RASEF: variants seen among roughly 807,000 people sequenced by gnomAD.
RASEF encodes the protein RAS and EF-hand domain containing.
Under a neutral mutation model 90.1 loss-of-function variants are expected in RASEF, and 68 were observed. The ratio of observed to expected loss-of-function variants is 0.75; its 90% confidence interval spans 0.62 to 0.92. RASEF has a LOEUF of 0.92. Among genes scored for constraint, RASEF ranks in the 40% least tolerant of loss-of-function variants. The probability of loss-of-function intolerance (pLI) is 0.00; values close to 1 mark genes in which losing one functional copy is unlikely to be tolerated. For missense variants in RASEF, 949 were observed against 937.2 expected (o/e 1.01, Z -0.16); for synonymous variants, 331 against 345.2 (o/e 0.96, Z 0.46).
intron 10 of RASEF, 47 bp downstream of exon 10, chr9:83,000,849 T>C (rs1564072590): frequency 1.4e-6 from 2 of 1,475,910 alleles, no homozygotes; most frequent in Non-Finnish European, 9.5e-7. Context: ...GGTGACAGAT[T>C]TCAATCACGT....
the RASEF span, among the ~76,000 whole-genome samples, chr9:83,129,481 A>G: frequency 6.6e-6 from 1 of 152,202 alleles, no homozygotes; most frequent in African/African-American, 2.4e-5. Flanking sequence ...ATTAAAATTA[A>G]CCAATTACTG....
chr9:83,188,066 G>T, the RASEF span, among the ~76,000 whole-genome samples: 653 of 152,114 alleles, frequency 4.3e-3, 6 homozygotes, highest in African/African-American at 0.015. Flanking sequence ...CTCAATAAAT[G>T]CCCCTAATGG....
At position 82,981,666 on chromosome 9, in the gene RASEF, G is replaced by C. The variant is rs1040604384; in HGVS notation, c.*1011C>G. On this transcript the variant is annotated 3_prime_UTR_variant, in exon 17 of 17. Transcript: ENST00000376447. ...AAAGTATACAATTCAGTGGTTCCTA[G>C]TACATTCAAACAGTTATACAACTAT... The C allele has an allele frequency of 1.3e-5, 2 of 151,824 alleles. No homozygotes were observed. The highest frequency in any genetic ancestry group is 2.9e-5 in the Non-Finnish European group (2 of 67,996). 9.4% of individuals were successfully genotyped at this position (151,824 alleles called of 1,614,324 possible).
chr9:83,207,987 C>T, the RASEF span, among the ~76,000 whole-genome samples: 1 of 152,176 alleles, frequency 6.6e-6, no homozygotes. Context: ...TCCTTCTGTT[C>T]TTGTAGTGGC....
Position 82,997,088 on chromosome 9 carries a change from T to C in RASEF, c.1844A>G (p.Asp615Gly), listed in dbSNP as rs758046634. 2 of 1,613,402 alleles carry C rather than the reference T, an allele frequency of 1.2e-6. No homozygotes were observed. Among genetic ancestry groups the C allele is most frequent in the East Asian group, 2.2e-5 (1 of 44,876 alleles). ...AACATCATACAGCAGCAAAACACCA[T>C]CTGCCTTTCTGAAGTAAGACTTGGC... ...SIAKSYFRKA[D>G]GVLLLYDVTC... The change falls in exon 14 of 17, where the codon GAT becomes GGT. Residue 615 changes from aspartate (D) to glycine (G), a missense_variant. Physicochemically the swap from Asp to Gly is moderately conservative, Grantham distance 94. Transcript: ENST00000376447.
At chr9:82,990,369 C>T (rs1564068994) in intron 16 of RASEF, 22 bp downstream of exon 16, 2 of 1,566,354 alleles carry the variant, frequency 1.3e-6, no homozygotes, top group Admixed American at 1.7e-5. Context: ...TTCAATCCTA[C>T]ATCCATTTTC....
intron 16 of RASEF, among the ~76,000 whole-genome samples, chr9:82,987,196 A>G (rs1292903638): frequency 6.6e-6 from 1 of 152,212 alleles, no homozygotes; most frequent in Non-Finnish European, 1.5e-5. Flanking sequence ...TTAAGGGTTG[A>G]GTACTTTGAA....
chr9:83,110,798 A>C, the RASEF span, among the ~76,000 whole-genome samples: 1 of 152,202 alleles, frequency 6.6e-6, no homozygotes, highest in Admixed American at 6.5e-5. Context: ...AAAAGCCCCA[A>C]GAATTTCTTT....
chr9:83,147,541 G>T, the RASEF span, among the ~76,000 whole-genome samples: 1 of 152,108 alleles, frequency 6.6e-6, no homozygotes, highest in African/African-American at 2.4e-5. Flanking sequence ...CAGATGGGAT[G>T]GTATACAAGC....
chr9:83,217,187 C>A, the RASEF span, among the ~76,000 whole-genome samples: 18 of 152,056 alleles, frequency 1.2e-4, no homozygotes, highest in East Asian at 9.9e-4. Context: ...GGTATTTATC[C>A]GATGCTTTTA....
At chr9:83,120,387 G>A in the RASEF span, among the ~76,000 whole-genome samples, 1 of 152,134 alleles carries the variant, frequency 6.6e-6, no homozygotes, top group Non-Finnish European at 1.5e-5. Flanking sequence ...GTGATCTAGT[G>A]CCTGCCTCAC....
chr9:83,108,595 T>A, the RASEF span, among the ~76,000 whole-genome samples: 1 of 152,286 alleles, frequency 6.6e-6, no homozygotes, highest in Middle Eastern at 3.4e-3. Context: ...CACAGCTTCT[T>A]AAGTAAAAAA....
intron 1 of RASEF, among the ~76,000 whole-genome samples, chr9:83,042,101 T>C (rs1211304824): frequency 1.3e-5 from 2 of 152,218 alleles, no homozygotes; most frequent in Non-Finnish European, 2.9e-5. Flanking sequence ...ATTCCCTTGG[T>C]TTCCAGTTCT....
chr9:83,055,988 G>A (rs1830095791), intron 1 of RASEF, among the ~76,000 whole-genome samples: 1 of 152,142 alleles, frequency 6.6e-6, no homozygotes, highest in Non-Finnish European at 1.5e-5. Context: ...GAGAAACAAG[G>A]TCAGGGTCAG....
intron 16 of RASEF, among the ~76,000 whole-genome samples, chr9:82,987,162 C>CGG (rs1828723987): frequency 1.3e-5 from 2 of 152,224 alleles, no homozygotes; most frequent in South Asian, 4.1e-4. Flanking sequence ...GTAATTTTAC[C>CGG]TGTGGAGACT....
intron 9 of RASEF, among the ~76,000 whole-genome samples, chr9:83,003,691 C>G (rs946846252): frequency 6.6e-6 from 1 of 152,144 alleles, no homozygotes; most frequent in African/African-American, 2.4e-5. Context: ...TCCTAAATGG[C>G]AACCTGACCA....
At chr9:83,082,663 G>A in the RASEF span, among the ~76,000 whole-genome samples, 2 of 152,150 alleles carry the variant, frequency 1.3e-5, no homozygotes, top group African/African-American at 2.4e-5. Context: ...CTGTAACAGG[G>A]TTTAAACACA....
At chr9:83,165,685 T>C in the RASEF span, among the ~76,000 whole-genome samples, 9 of 151,900 alleles carry the variant, frequency 5.9e-5, no homozygotes, top group East Asian at 1.7e-3. Context: ...CAATGGGAAA[T>C]CAATACAGAG....
chr9:83,096,615 A>T, the RASEF span, among the ~76,000 whole-genome samples: 1 of 151,984 alleles, frequency 6.6e-6, no homozygotes, highest in Non-Finnish European at 1.5e-5. Flanking sequence ...GGGGGAAACA[A>T]GGACTTGTTT....
Sources: gnomAD v4.1 joint callset for allele counts (sites outside exome capture counted in the v4.1 genomes callset) on GRCh38, gnomAD v4.1.1 for gene constraint, MANE v1.5 for transcripts, NCBI Gene and HGNC (gene_info 2026-07-23, HGNC 2026-07-21) for gene names.